Variants in SHPRH observed in about 807,000 individuals in gnomAD.
SHPRH encodes the protein SNF2 histone linker PHD RING helicase, also known as E3 ubiquitin-protein ligase SHPRH.
A neutral mutation model predicts 202.5 loss-of-function variants in SHPRH; 106 were observed. The ratio of observed to expected loss-of-function variants is 0.52; its 90% CI spans 0.45 to 0.62. The LOEUF is 0.62. Ranked by LOEUF, SHPRH falls within the 20% of genes least tolerant of loss-of-function variation. SHPRH has a pLI of 0.00. For synonymous variants in SHPRH, 729 were observed against 686.0 expected, an observed-to-expected ratio of 1.06 and a Z score of -0.98; for missense variants, 1,710 against 2,020.0, an observed-to-expected ratio of 0.85 and a Z score of 2.94.
At chr6:145,919,553 C>T in intron 21 of SHPRH, 62 bp from the exon 22 acceptor site, 2 of 1,564,514 alleles carry the variant, frequency 1.3e-6, no homozygotes, top group South Asian at 2.3e-5. Context: ...GTTAAAACCA[C>T]CAAGATGTGC....
intron 11 of SHPRH, among the ~76,000 whole-genome samples, chr6:145,937,772 T>C (rs1786276968): frequency 6.6e-6 from 1 of 152,240 alleles, no homozygotes; most frequent in East Asian, 1.9e-4. Flanking sequence ...TTTACATTAA[T>C]ATTTTCTGTT....
intron 2 of SHPRH, among the ~76,000 whole-genome samples, chr6:145,952,752 T>C (rs1403504701): frequency 6.6e-6 from 1 of 152,090 alleles, no homozygotes; most frequent in Non-Finnish European, 1.5e-5. Context: ...TAAGAACACC[T>C]AGTTCTATCT....
chr6:145,906,255 A>G (rs1782949795), intron 25 of SHPRH: 1 of 151,940 alleles, frequency 6.6e-6, no homozygotes, highest in Admixed American at 6.6e-5. Context: ...AATTTACTCT[A>G]TACCTCAACT....
In SHPRH at chr6:145,940,669, C is replaced by T. The variant is rs1035729232; in HGVS notation, c.2569+54G>A. The T allele has an allele frequency of 2.1e-5, 33 of 1,566,934 alleles. No individual in the cohort carries two copies. The African/African-American group carries it at 4.3e-4, about 21-fold the overall frequency. The stretch of plus-strand genomic sequence containing the variant: ...GTTAAGCATAACAATACTTTTCTCT[C>T]TAAAAAATGAAGCTTTTCAAATGCA... On this transcript the variant is annotated intron_variant, in intron 11 of 29. Transcript: ENST00000275233.
chr6:145,939,204 G>C (rs777596435), intron 11 of SHPRH, among the ~76,000 whole-genome samples: 33 of 152,172 alleles, frequency 2.2e-4, no homozygotes, highest in Non-Finnish European at 4.6e-4. Context: ...AAAGATACCA[G>C]AGAGATATGG....
intron 2 of SHPRH, among the ~76,000 whole-genome samples, chr6:145,872,975 C>T (rs929527025): frequency 2.0e-5 from 3 of 152,022 alleles, no homozygotes; most frequent in African/African-American, 7.2e-5. Flanking sequence ...CAAGTGGGAG[C>T]AAAATGATGA....
intron 2 of SHPRH, among the ~76,000 whole-genome samples, chr6:145,952,712 C>T (rs2128801137): frequency 6.6e-6 from 1 of 152,094 alleles, no homozygotes; most frequent in East Asian, 1.9e-4. Flanking sequence ...AAATATTCCC[C>T]TAACTGAAAT....
intron 16 of SHPRH, among the ~76,000 whole-genome samples, chr6:145,925,144 A>G (rs1051885849): frequency 6.6e-6 from 1 of 151,750 alleles, no homozygotes; most frequent in Non-Finnish European, 1.5e-5. Context: ...AAAAAAGAAC[A>G]GTAATATTTC....
Position 145,935,123 on chromosome 6 carries a change from T to C in SHPRH, c.2774A>G (p.His925Arg). 6.2e-7 allele frequency: 1 copy of C among 1,612,924 alleles called. No individual in the cohort carries two copies. Among genetic ancestry groups the C allele is most frequent in the Non-Finnish European group, 8.5e-7 (1 of 1,179,862 alleles). ...GAAATGCCTTTCCACTGGAGAAAAG[T>C]GGAGCCAGTGTATTTCTTCGGTTTG... is the stretch of plus-strand genomic sequence containing the variant. ...PPQTEEIHWL[H>R]FSPVERHFYH... The change falls in exon 13 of 30, where the codon CAC (histidine) becomes CGC (arginine). Residue 925 changes from histidine (H) to arginine (R), a missense_variant. Transcript: ENST00000275233.
intron 1 of SHPRH, among the ~76,000 whole-genome samples, chr6:145,962,368 C>T (rs1484188828): frequency 1.3e-5 from 2 of 152,164 alleles, no homozygotes. Flanking sequence ...GGATGTATTC[C>T]CTCCTTTTGA....
chr6:145,961,486 A>C lies in SHPRH; in HGVS notation c.-33+2245T>G, dbSNP rs1025329229. ...TTTGGTCCTGTGACCAGTCCTAGCC[A>C]ATGGAATGTGAGAAGTAATATGTGC... is the stretch of plus-strand genomic sequence containing the variant. On this transcript the variant is annotated intron_variant, in intron 1 of 29. Coordinates refer to ENST00000275233, the MANE Select transcript of SHPRH (RefSeq NM_001042683.3). 4.6e-5 allele frequency among the ~76,000 whole-genome samples: 7 copies of C among 152,240 alleles called. No individual in the cohort carries two copies. The East Asian group carries it at 9.6e-4, about 21-fold the overall frequency.
intron 8 of SHPRH, among the ~76,000 whole-genome samples, chr6:145,944,742 T>C (rs978334899): frequency 6.6e-6 from 1 of 152,156 alleles, no homozygotes; most frequent in Non-Finnish European, 1.5e-5. Flanking sequence ...GCAAATATTA[T>C]AACTATTTTC....
intron 25 of SHPRH, among the ~76,000 whole-genome samples, chr6:145,901,266 T>A (rs560942613): frequency 3.3e-4 from 50 of 152,252 alleles, no homozygotes; most frequent in Admixed American, 5.2e-4. Context: ...TTGAAATGAA[T>A]GTTTTATACC....
Position 145,922,782 on chromosome 6 carries a change from T to C in SHPRH, c.3600A>G (p.Leu1200=). Reference sequence around the variant, plus strand: ...CTCTTACTAGCTTCTGGCATTTATTTAGCTCTTCCATTTGTGTTGTAAGTA... The same window carrying C: ...CTCTTACTAGCTTCTGGCATTTATTCAGCTCTTCCATTTGTGTTGTAAGTA... ...QFLLTTQMEE[L]NKCQKLVREA... is the part of the protein sequence containing the mutation. Residue 1200 remains leucine (L), a synonymous_variant, in exon 19 of 30, where the codon CTA becomes CTG. Coordinates refer to ENST00000275233, the MANE Select transcript of SHPRH (RefSeq NM_001042683.3). 9 of 1,612,120 alleles carry C rather than the reference T, an allele frequency of 5.6e-6. No homozygotes were observed. Among genetic ancestry groups the C allele is most frequent in the Non-Finnish European group, 7.6e-6 (9 of 1,178,770 alleles).
rs112777862 is a variant in SHPRH at position 145,916,421 on chromosome 6, A to G, written c.4254+1710T>C. 6.1e-3 allele frequency among the ~76,000 whole-genome samples: 927 copies of G among 152,238 alleles called. 9 individuals are homozygous for G. The highest frequency in any genetic ancestry group is 0.021 in the African/African-American group (888 of 41,550). ...CAGATATTGTTAAAGTGCTTTTAAG[A>G]AAAGCTTATATAAATTTATATTTCC... On this transcript the variant is annotated intron_variant, in intron 23 of 29. Coordinates refer to ENST00000275233, the MANE Select transcript of SHPRH (RefSeq NM_001042683.3).
chr6:145,903,040 T>A (rs998668962), intron 25 of SHPRH, among the ~76,000 whole-genome samples: 1 of 152,008 alleles, frequency 6.6e-6, no homozygotes. Context: ...TGAACAGAAA[T>A]AGAAATGGTA....
At chr6:145,874,115 T>C (rs1365108086) in intron 2 of SHPRH, among the ~76,000 whole-genome samples, 1 of 151,966 alleles carries the variant, frequency 6.6e-6, no homozygotes, top group Non-Finnish European at 1.5e-5. Context: ...GGAGAATCAC[T>C]TGAATTCAGG....
chr6:145,863,515 A>G (rs376817597), downstream of SHPRH, among the ~76,000 whole-genome samples: 260 of 152,350 alleles, frequency 1.7e-3, no homozygotes, highest in African/African-American at 5.1e-3. Context: ...GTCATTTTGC[A>G]ATAGCCCATG....
chr6:145,922,357 A>C lies in SHPRH; in HGVS notation c.3720-9T>G, dbSNP rs1341121464. ...CTTTACAAAAGACACAGCTGAAAAA[A>C]AAGAGATTAACAGAAATATTCACAA... On this transcript the variant is annotated splice_polypyrimidine_tract_variant and intron_variant, in intron 19 of 29. Coordinates refer to ENST00000275233, the MANE Select transcript of SHPRH (RefSeq NM_001042683.3). 3 of 1,558,174 alleles carry C rather than the reference A, an allele frequency of 1.9e-6. No individual in the cohort carries two copies. The East Asian group carries it at 7.2e-5, about 37-fold the overall frequency.
Sources: allele counts gnomAD v4.1 joint callset (sites outside exome capture counted in the v4.1 genomes callset), GRCh38; gene constraint gnomAD v4.1.1; transcripts MANE v1.5; gene names NCBI Gene and HGNC (gene_info 2026-07-23, HGNC 2026-07-21).